Variants in ESRRB observed in about 807,000 individuals in gnomAD.
ESRRB encodes the protein estrogen related receptor beta.
A neutral mutation model predicts 46.0 loss-of-function variants in ESRRB; 16 were observed. That is an observed-to-expected ratio of 0.35 (90% CI 0.24 to 0.53). The LOEUF (loss-of-function observed/expected upper bound fraction) is 0.53, where lower values mean the gene tolerates loss of function less well. Among genes scored for constraint, ESRRB ranks in the 20% least tolerant of loss-of-function variants. ESRRB has a pLI of 0.93. For synonymous variants in ESRRB, 246 were observed against 259.6 expected, an observed-to-expected ratio of 0.95 and a Z score of 0.50; for missense variants, 488 against 607.4, an observed-to-expected ratio of 0.80 and a Z score of 2.07.
chr14:76,431,498 G>GC (rs1211364112), intron 1 of ESRRB, among the ~76,000 whole-genome samples: 1 of 152,128 alleles, frequency 6.6e-6, no homozygotes, highest in Non-Finnish European at 1.5e-5. Flanking sequence ...GGCAGGAAGA[G>GC]CCCCCCAGCA....
chr14:76,332,774 A>AT (rs1202955339), intron 1 of ESRRB, among the ~76,000 whole-genome samples: 1 of 13,790 alleles, frequency 7.3e-5, no homozygotes, highest in Non-Finnish European at 1.2e-4. Flanking sequence ...TATAATATAT[A>AT]TTATATATTA....
At chr14:76,496,856 C>T (rs147624558) in intron 6 of ESRRB, among the ~76,000 whole-genome samples, 1,691 of 152,290 alleles carry the variant, frequency 0.011, 12 homozygotes, top group East Asian at 0.023. Context: ...CTGCTGGCTG[C>T]GGTTTACCCC....
chr14:76,410,440 CCA>C (rs1375371451), intron 1 of ESRRB, among the ~76,000 whole-genome samples: 1 of 152,272 alleles, frequency 6.6e-6, no homozygotes, highest in East Asian at 1.9e-4. Context: ...CTAAAAGTAG[CCA>C]CAGTTACCAA....
chr14:76,320,823 C>A (rs1883858175), intron 1 of ESRRB, among the ~76,000 whole-genome samples: 1 of 152,230 alleles, frequency 6.6e-6, no homozygotes, highest in African/African-American at 2.4e-5. Flanking sequence ...CCAAACAAAG[C>A]CCTGAAAACA....
chr14:76,448,627 C>T (rs1042657180), intron 2 of ESRRB, among the ~76,000 whole-genome samples: 17 of 151,966 alleles, frequency 1.1e-4, no homozygotes, highest in African/African-American at 3.9e-4. Flanking sequence ...TGAGCCACCG[C>T]GCCCAGCCCA....
chr14:76,465,894 C>T (rs1404675215), intron 3 of ESRRB, among the ~76,000 whole-genome samples: 1 of 152,240 alleles, frequency 6.6e-6, no homozygotes, highest in Non-Finnish European at 1.5e-5. Flanking sequence ...CCTGCAGGGC[C>T]TTGGAGAGAT....
chr14:76,350,068 A>C (rs1358285788), intron 1 of ESRRB, among the ~76,000 whole-genome samples: 2 of 151,752 alleles, frequency 1.3e-5, no homozygotes, highest in Admixed American at 6.6e-5. Context: ...TTCTTCCTCT[A>C]CTCCCTTGCT....
At chr14:76,379,860 CAAAAAAA>C (rs34925535) in intron 1 of ESRRB, among the ~76,000 whole-genome samples, 3 of 127,078 alleles carry the variant, frequency 2.4e-5, no homozygotes, top group South Asian at 5.2e-4. Flanking sequence ...AGATCTGTTC[CAAAAAAA>C]AAAAAAAAAA....
intron 1 of ESRRB, among the ~76,000 whole-genome samples, chr14:76,400,801 T>C (rs1885908209): frequency 6.6e-6 from 1 of 152,222 alleles, no homozygotes; most frequent in Non-Finnish European, 1.5e-5. Flanking sequence ...CAGGCTCCTA[T>C]GGGTGGGGCT....
intron 1 of ESRRB, among the ~76,000 whole-genome samples, chr14:76,395,513 C>A (rs1272197686): frequency 6.6e-6 from 1 of 152,100 alleles, no homozygotes; most frequent in Non-Finnish European, 1.5e-5. Flanking sequence ...ATGAATTCAG[C>A]TGACAACTCA....
chr14:76,407,988 G>A (rs892171468), intron 1 of ESRRB, among the ~76,000 whole-genome samples: 8 of 152,312 alleles, frequency 5.3e-5, no homozygotes, highest in African/African-American at 4.8e-5. Context: ...ACACCAGGCA[G>A]CACACAGACC....
intron 5 of ESRRB, among the ~76,000 whole-genome samples, chr14:76,484,256 A>G (rs1889917486): frequency 6.6e-6 from 1 of 152,224 alleles, no homozygotes; most frequent in African/African-American, 2.4e-5. Context: ...AGGGACGCAC[A>G]GAGACATCAG....
intron 1 of ESRRB, among the ~76,000 whole-genome samples, chr14:76,334,720 C>A (rs1884105955): frequency 6.6e-6 from 1 of 152,176 alleles, no homozygotes; most frequent in African/African-American, 2.4e-5. Context: ...GTGGCCCAGC[C>A]TCTGACCCTC....
chr14:76,433,213 C>G (rs773240793), intron 1 of ESRRB, among the ~76,000 whole-genome samples: 11 of 152,176 alleles, frequency 7.2e-5, no homozygotes, highest in Non-Finnish European at 1.5e-4. Flanking sequence ...AGCCCCTCAG[C>G]TGCCTCCGAT....
exon 1 of ESRRB, chr14:76,310,892 C>T (rs1331436355): frequency 2.2e-6 from 1 of 454,862 alleles, no homozygotes; most frequent in Admixed American, 2.4e-5. Flanking sequence ...GCCCAGTCCT[C>T]GTCCTCCACG....
chr14:76,340,410 G>A (rs184717422), intron 1 of ESRRB, among the ~76,000 whole-genome samples: 1 of 152,200 alleles, frequency 6.6e-6, no homozygotes, highest in Non-Finnish European at 1.5e-5. Context: ...TGTTGAAAGA[G>A]CCAGGAAGAC....
chr14:76,346,607 G>A (rs978074751), intron 1 of ESRRB, among the ~76,000 whole-genome samples: 6 of 152,194 alleles, frequency 3.9e-5, no homozygotes, highest in Non-Finnish European at 7.3e-5. Context: ...GGGAGTGCCA[G>A]CCTCCATGCC....
chr14:76,449,061 G>A (rs78033276), intron 2 of ESRRB, among the ~76,000 whole-genome samples: 4,855 of 152,150 alleles, frequency 0.032, 252 homozygotes, highest in African/African-American at 0.11. Flanking sequence ...GAAATTTTAT[G>A]AGAATGTATG....
chr14:76,424,846 C>CCTGCCT (rs1445724364), intron 1 of ESRRB, among the ~76,000 whole-genome samples: 2 of 152,176 alleles, frequency 1.3e-5, no homozygotes, highest in Non-Finnish European at 2.9e-5. Flanking sequence ...AAGTGATTCT[C>CCTGCCT]CTGCCTCTGC....
Sources: gnomAD v4.1 joint callset for allele counts (sites outside exome capture counted in the v4.1 genomes callset) on GRCh38, gnomAD v4.1.1 for gene constraint, MANE v1.5 for transcripts, NCBI Gene and HGNC (gene_info 2026-07-23, HGNC 2026-07-21) for gene names.